Variants in FBXL17 observed in about 807,000 individuals in gnomAD.
FBXL17 encodes the protein F-box/LRR-repeat protein 17.
In FBXL17, 22 loss-of-function variants were observed where a neutral mutation model predicts 66.2. That is an observed-to-expected ratio of 0.33 (90% CI 0.24 to 0.47). The LOEUF (loss-of-function observed/expected upper bound fraction) is 0.47. Ranked by LOEUF, FBXL17 falls within the 20% of genes least tolerant of loss-of-function variation. The pLI, the probability that FBXL17 is intolerant of heterozygous loss-of-function variation, is 1.00. For missense variants in FBXL17, 878 were observed against 948.2 expected, an observed-to-expected ratio of 0.93 and a Z score of 0.97; for synonymous variants, 474 against 400.5, an observed-to-expected ratio of 1.18 and a Z score of -2.19.
chr5:107,894,710 T>C (rs1016584063), intron 7 of FBXL17, among the ~76,000 whole-genome samples: 1 of 152,168 alleles, frequency 6.6e-6, no homozygotes, highest in Admixed American at 6.6e-5. Flanking sequence ...GTGAGATTTA[T>C]ACATAAATCT....
chr5:107,980,378 AC>A (rs1165261095), intron 7 of FBXL17, among the ~76,000 whole-genome samples: 2 of 150,416 alleles, frequency 1.3e-5, no homozygotes, highest in African/African-American at 4.9e-5. Flanking sequence ...CAGATCTAAA[AC>A]CACCCACAAA....
At chr5:108,318,346 C>A (rs185156739) in intron 4 of FBXL17, among the ~76,000 whole-genome samples, 3 of 151,448 alleles carry the variant, frequency 2.0e-5, no homozygotes, top group Admixed American at 1.3e-4. Context: ...TATTTACTGA[C>A]CTCCTATTAC....
At chr5:108,057,306 T>C (rs1428157900) in intron 6 of FBXL17, among the ~76,000 whole-genome samples, 1 of 152,180 alleles carries the variant, frequency 6.6e-6, no homozygotes, top group East Asian at 1.9e-4. Flanking sequence ...ACCAATAATA[T>C]ATTTGTGTTG....
chr5:107,988,770 A>G (rs1180247563), intron 7 of FBXL17, among the ~76,000 whole-genome samples: 1 of 152,058 alleles, frequency 6.6e-6, no homozygotes, highest in African/African-American at 2.4e-5. Flanking sequence ...GAATAAGAGC[A>G]TGATGATCTG....
chr5:108,018,739 C>T (rs1274060754), intron 7 of FBXL17, among the ~76,000 whole-genome samples: 1 of 152,066 alleles, frequency 6.6e-6, no homozygotes, highest in Non-Finnish European at 1.5e-5. Flanking sequence ...TTTCTTATCA[C>T]CACGGAGAGG....
rs138269576 is a variant in FBXL17, at chr5:108,117,467, G to A, written c.1745+68650C>T. ...AATTACTAGATTATGAATAAAATAA[G>A]ATTTATAAATTGAGCTTAAAGGCTT... On this transcript the variant is annotated intron_variant, in intron 6 of 8. Coordinates refer to ENST00000542267, the MANE Select transcript of FBXL17 (RefSeq NM_001163315.3). 8.8e-3 allele frequency among the ~76,000 whole-genome samples: 1,338 copies of A among 152,092 alleles called. 14 individuals are homozygous for A. Among genetic ancestry groups the A allele is most frequent in the Non-Finnish European group, 0.013 (862 of 67,988 alleles).
At chr5:107,967,221 A>G (rs1752177646) in intron 7 of FBXL17, among the ~76,000 whole-genome samples, 1 of 151,860 alleles carries the variant, frequency 6.6e-6, no homozygotes, top group South Asian at 2.1e-4. Flanking sequence ...ATTGAGAATG[A>G]TGTTTCTGTA....
chr5:108,153,038 T>G (rs936848530), intron 6 of FBXL17, among the ~76,000 whole-genome samples: 4 of 151,822 alleles, frequency 2.6e-5, no homozygotes, highest in African/African-American at 9.7e-5. Context: ...TAAGGGGGAG[T>G]TACCCTGCAC....
intron 4 of FBXL17, among the ~76,000 whole-genome samples, chr5:108,246,988 G>A (rs898409821): frequency 3.3e-5 from 5 of 152,086 alleles, no homozygotes; most frequent in African/African-American, 1.2e-4. Flanking sequence ...TGAAATGAGG[G>A]CCTGACTGGG....
intron 6 of FBXL17, among the ~76,000 whole-genome samples, chr5:108,128,868 G>A (rs1187930431): frequency 6.6e-6 from 1 of 151,978 alleles, no homozygotes; most frequent in Non-Finnish European, 1.5e-5. Flanking sequence ...ACTTCAACAG[G>A]AACAACTAGA....
chr5:108,016,757 ATTATCTTT>A (rs1044311733), intron 7 of FBXL17, among the ~76,000 whole-genome samples: 5 of 149,700 alleles, frequency 3.3e-5, no homozygotes, highest in African/African-American at 1.2e-4. Context: ...AAGGAAGTAA[ATTATCTTT>A]TTTTCTTTCT....
Position 108,009,276 on chromosome 5 carries a change from T to TAGATAG in FBXL17, c.1822+11648_1822+11649insCTATCT, listed in dbSNP as rs1304437287. On this transcript the variant is annotated intron_variant, in intron 7 of 8. Coordinates refer to ENST00000542267, the MANE Select transcript of FBXL17 (RefSeq NM_001163315.3). ...GTTCCCTGTTTTATATATATATATA[T>TAGATAG]ATATATATATATATATATATATATA... Among the ~76,000 whole-genome samples the TAGATAG allele has an allele frequency of 8.2e-4, 17 of 20,722 alleles. 5 individuals carry two copies. Among genetic ancestry groups the TAGATAG allele is most frequent in the Admixed American group, 6.0e-3 (13 of 2,174 alleles). 13.6% of individuals were successfully genotyped at this position (20,722 alleles called of 152,430 possible). A position where few individuals can be genotyped will look rare whatever the true frequency, so the allele number is the denominator to read the frequency against.
At chr5:108,273,199 G>A (rs192198151) in intron 4 of FBXL17, among the ~76,000 whole-genome samples, 1 of 152,242 alleles carries the variant, frequency 6.6e-6, no homozygotes, top group African/African-American at 2.4e-5. Flanking sequence ...CAGGACCATA[G>A]GACCGAGGCG....
At chr5:108,118,926 G>A (rs911284561) in intron 6 of FBXL17, among the ~76,000 whole-genome samples, 1 of 152,110 alleles carries the variant, frequency 6.6e-6, no homozygotes, top group Admixed American at 6.5e-5. Context: ...ACTCATCCAT[G>A]AAGATTCAAA....
chr5:108,138,534 TA>T (rs1278415940), intron 6 of FBXL17, among the ~76,000 whole-genome samples: 1 of 152,168 alleles, frequency 6.6e-6, no homozygotes, highest in Non-Finnish European at 1.5e-5. Flanking sequence ...GGTCAAAGGT[TA>T]AAAAGGTAAA....
intron 7 of FBXL17, among the ~76,000 whole-genome samples, chr5:107,975,670 G>C (rs1384586034): frequency 6.6e-6 from 1 of 151,976 alleles, no homozygotes; most frequent in African/African-American, 2.4e-5. Context: ...AATGGCATTA[G>C]GATTAGCATA....
chr5:107,950,318 G>T (rs1179260293), intron 7 of FBXL17, among the ~76,000 whole-genome samples: 1 of 151,936 alleles, frequency 6.6e-6, no homozygotes, highest in Non-Finnish European at 1.5e-5. Context: ...GGATCTCAGA[G>T]AAAATAAAAA....
intron 8 of FBXL17, among the ~76,000 whole-genome samples, chr5:107,875,138 A>G: frequency 7.1e-6 from 1 of 139,962 alleles, no homozygotes; most frequent in East Asian, 2.1e-4. Flanking sequence ...TTTCTTTGAT[A>G]TGGCATCAAT....
chr5:107,902,964 G>A (rs1471707412), intron 7 of FBXL17, among the ~76,000 whole-genome samples: 1 of 152,054 alleles, frequency 6.6e-6, no homozygotes, highest in Non-Finnish European at 1.5e-5. Context: ...AAAGTGAAGA[G>A]AATAGAAATT....
Sources: allele counts gnomAD v4.1 joint callset (sites outside exome capture counted in the v4.1 genomes callset), GRCh38; gene constraint gnomAD v4.1.1; transcripts MANE v1.5; gene names NCBI Gene and HGNC (gene_info 2026-07-23, HGNC 2026-07-21).